XRCC5: variants seen among roughly 807,000 people sequenced by gnomAD.
XRCC5 encodes the protein X-ray repair cross complementing 5.
Under a neutral mutation model 95.7 loss-of-function variants are expected in XRCC5, and 12 were observed. The ratio of observed to expected loss-of-function variants is 0.13; its 90% CI spans 0.08 to 0.20. XRCC5 has a LOEUF of 0.20. Ranked by LOEUF, XRCC5 falls within the 10% of genes least tolerant of loss-of-function variation. XRCC5 has a pLI of 1.00. For synonymous variants in XRCC5, 281 were observed against 290.3 expected (o/e 0.97, Z 0.33); for missense variants, 595 against 873.9 (o/e 0.68, Z 4.02).
At chr2:216,117,035 C>G (rs1696710247) in intron 3 of XRCC5, 193 bp downstream of exon 3, 1 of 622,506 alleles carries the variant, frequency 1.6e-6, no homozygotes, top group Non-Finnish European at 2.8e-6. Flanking sequence ...GGGCTCCCAG[C>G]CCTCCACTCA....
chr2:216,176,983 A>G lies in XRCC5; in HGVS notation c.1835-13242A>G, dbSNP rs568364027. On this transcript the variant is annotated intron_variant, in intron 16 of 20. Transcript: ENST00000392132. ...CTTGGGTTATTTAAATGTGTTCTTA[A>G]ATTCCAAATATTGAAGATTTCCCAA... 1.4e-4 allele frequency among the ~76,000 whole-genome samples: 21 copies of G among 152,280 alleles called. No homozygotes were observed. The South Asian group carries it at 4.1e-3, about 30-fold the overall frequency.
chr2:216,117,036 C>T, intron 3 of XRCC5, 194 bp downstream of exon 3: 1 of 616,314 alleles, frequency 1.6e-6, no homozygotes, highest in African/African-American at 1.8e-5. Flanking sequence ...GGCTCCCAGC[C>T]CTCCACTCAC....
chr2:216,203,699 A>G (rs550898668), intron 19 of XRCC5, among the ~76,000 whole-genome samples: 2 of 152,334 alleles, frequency 1.3e-5, no homozygotes, highest in South Asian at 4.1e-4. Context: ...CCTGTTTTCA[A>G]ACAATTTCTA....
intron 5 of XRCC5, 131 bp downstream of exon 5, chr2:216,119,296 C>G: frequency 1.1e-6 from 1 of 934,052 alleles, no homozygotes; most frequent in Non-Finnish European, 1.6e-6. Flanking sequence ...TGTCAGATGA[C>G]TGACTACTCA....
rs1266722354 is a variant in XRCC5 at position 216,138,083 on chromosome 2, C to T, written c.1252-6C>T. ...TTCTGCTTTTACCCCCTTTCTTTCT[C>T]ATTAGTGTTTAGTGTATGTGCAGCT... On this transcript the variant is annotated splice_region_variant and splice_polypyrimidine_tract_variant and intron_variant, in intron 11 of 20. Coordinates refer to ENST00000392132, the MANE Select transcript of XRCC5 (RefSeq NM_021141.4). 1 of 1,602,512 alleles carries T rather than the reference C, an allele frequency of 6.2e-7. No homozygotes were observed. The highest frequency in any genetic ancestry group is 2.2e-5 in the East Asian group (1 of 44,682).
chr2:216,118,364 G>C (rs1209710943), intron 4 of XRCC5, among the ~76,000 whole-genome samples: 3 of 152,084 alleles, frequency 2.0e-5, no homozygotes, highest in East Asian at 3.9e-4. Context: ...TATTTTTGCA[G>C]AGACGGTCTC....
rs184723012 is a variant in XRCC5, at chr2:216,121,151, C to T, written c.492-911C>T. Among the ~76,000 whole-genome samples, 9 of 152,296 alleles carry T rather than the reference C, an allele frequency of 5.9e-5. No homozygotes were observed. The East Asian group carries it at 7.7e-4, about 13-fold the overall frequency. On this transcript the variant is annotated intron_variant, in intron 5 of 20. Coordinates refer to ENST00000392132, the MANE Select transcript of XRCC5 (RefSeq NM_021141.4). ...ATAACTTCCTTTCTCTTCACTTTTA[C>T]GACATTTGTCCTTTTCTGGTTATTG...
At position 216,172,821 on chromosome 2, in the gene XRCC5, A is replaced by C. The variant is rs557430546; in HGVS notation, c.1834+10773A>C. On this transcript the variant is annotated intron_variant, in intron 16 of 20. Transcript: ENST00000392132. The stretch of plus-strand genomic sequence containing the variant: ...TGGTATTTTGATAGGGATTTTATTG[A>C]GTCTATAGAAGAGTTAAGGGAAAAT... Among the ~76,000 whole-genome samples, 9 of 152,224 alleles carry C rather than the reference A, an allele frequency of 5.9e-5. No individual in the cohort carries two copies. The East Asian group carries it at 1.7e-3, about 29-fold the overall frequency.
intron 6 of XRCC5, 41 bp downstream of exon 6, chr2:216,122,294 C>T (rs1696824836): frequency 6.4e-7 from 1 of 1,551,778 alleles, no homozygotes; most frequent in Admixed American, 1.8e-5. Flanking sequence ...TAATTGTACC[C>T]ACGTAAATTT....
intron 14 of XRCC5, among the ~76,000 whole-genome samples, chr2:216,157,236 T>G (rs935722590): frequency 3.6e-4 from 31 of 87,044 alleles, no homozygotes; most frequent in South Asian, 2.2e-3. Flanking sequence ...TTGTTTTTTT[T>G]TTGTTGTTGT....
Position 216,122,257 on chromosome 2 carries a change from A to G in XRCC5, c.683+4A>G, listed in dbSNP as rs776940416. ...TGGATGAAATTTATTCATTCAGGTAAGAATTGAAAACATTGATGGGAATTT... is the reference window on the plus strand; with the variant it reads ...TGGATGAAATTTATTCATTCAGGTAGGAATTGAAAACATTGATGGGAATTT... On this transcript the variant is annotated splice_donor_region_variant and intron_variant, in intron 6 of 20. Coordinates refer to ENST00000392132, the MANE Select transcript of XRCC5 (RefSeq NM_021141.4). The G allele has an allele frequency of 2.5e-6, 4 of 1,595,316 alleles. No homozygotes were observed. In the East Asian group the frequency reaches 9.0e-5, roughly 36 times the overall value.
chr2:216,153,073 G>A (rs1446232383), intron 14 of XRCC5, among the ~76,000 whole-genome samples: 4 of 152,016 alleles, frequency 2.6e-5, no homozygotes, highest in Non-Finnish European at 5.9e-5. Context: ...CCTTCCAGAA[G>A]CCAGGCTCTT....
At chr2:216,162,547 G>C (rs934974865) in intron 16 of XRCC5, among the ~76,000 whole-genome samples, 1 of 151,816 alleles carries the variant, frequency 6.6e-6, no homozygotes, top group Non-Finnish European at 1.5e-5. Flanking sequence ...GATTACAGGC[G>C]TGCACCACCA....
intron 16 of XRCC5, among the ~76,000 whole-genome samples, chr2:216,169,476 A>G (rs191366548): frequency 1.1e-4 from 16 of 152,366 alleles, no homozygotes; most frequent in African/African-American, 3.8e-4. Flanking sequence ...TGGTGGAACA[A>G]GAGTTCAGTA....
chr2:216,127,541 A>T lies in XRCC5; in HGVS notation c.804A>T (p.Leu268=), dbSNP rs144847640. Residue 268 remains leucine, a synonymous_variant, in exon 8 of 21, where the codon CTA becomes CTT. Transcript: ENST00000392132. ...SIRIAAYKSI[L]QERVKKTWTV... ...TTTGTGTTTTGGAATGTAAGATTCT[A>T]CAGGAGAGAGTTAAAAAGACTTGGA... 141 of 1,595,324 alleles carry T rather than the reference A, an allele frequency of 8.8e-5. No homozygotes were observed. In the African/African-American group the frequency reaches 1.7e-3, roughly 20 times the overall value.
At position 216,172,464 on chromosome 2, in the gene XRCC5, C is replaced by CTTTCCTTTTTT. The variant is rs1258491985; in HGVS notation, c.1834+10419_1834+10420insCCTTTTTTTTT. ...CATGGAAACTTTAGCATCAGCTTTT[C>CTTTCCTTTTTT]TTTTCTTTTTTTTTTTTTTTTTGAG... On this transcript the variant is annotated intron_variant, in intron 16 of 20. Coordinates refer to ENST00000392132, the MANE Select transcript of XRCC5 (RefSeq NM_021141.4). Among the ~76,000 whole-genome samples the CTTTCCTTTTTT allele has an allele frequency of 7.4e-3, 521 of 70,134 alleles. 7 individuals carry two copies. Among genetic ancestry groups the CTTTCCTTTTTT allele is most frequent in the African/African-American group, 0.032 (493 of 15,242 alleles). The allele number at this position is 70,134 out of a possible 152,430, so 46.0% of individuals were successfully genotyped here. A position where few individuals can be genotyped will look rare whatever the true frequency, so the allele number is the denominator to read the frequency against.
chr2:216,163,450 C>G (rs1021878339), intron 16 of XRCC5, among the ~76,000 whole-genome samples: 2 of 152,018 alleles, frequency 1.3e-5, no homozygotes, highest in Admixed American at 6.6e-5. Flanking sequence ...CCCCCACGCC[C>G]GGCTAATTTT....
intron 19 of XRCC5, among the ~76,000 whole-genome samples, chr2:216,197,451 A>G (rs1356309114): frequency 4.7e-5 from 7 of 149,458 alleles, no homozygotes; most frequent in Admixed American, 6.6e-5. Context: ...GTCCCAGGAA[A>G]AAAAAAAAAA....
chr2:216,118,034 A>C (rs1386548531), intron 4 of XRCC5, among the ~76,000 whole-genome samples: 1 of 152,186 alleles, frequency 6.6e-6, no homozygotes, highest in African/African-American at 2.4e-5. Context: ...GGCTTATTTC[A>C]GTTTACTTCC....
Sources: gnomAD v4.1 joint callset for allele counts (sites outside exome capture counted in the v4.1 genomes callset) on GRCh38, gnomAD v4.1.1 for gene constraint, MANE v1.5 for transcripts, NCBI Gene and HGNC (gene_info 2026-07-23, HGNC 2026-07-21) for gene names.